Variants in BAIAP3 observed in about 807,000 individuals in gnomAD.
BAIAP3 encodes BAI1 associated protein 3, also known as BAI1-associated protein 3.
Under a neutral mutation model 149.7 loss-of-function variants are expected in BAIAP3, and 180 were observed. That is an observed-to-expected ratio of 1.20 (90% CI 1.07 to 1.36). The LOEUF (loss-of-function observed/expected upper bound fraction) is 1.36. BAIAP3 is among the 40% of genes most tolerant of loss of function. BAIAP3 has a pLI of 0.00. For synonymous variants in BAIAP3, 845 were observed against 670.7 expected, an observed-to-expected ratio of 1.26 and a Z score of -4.02; for missense variants, 1,767 against 1,563.4, an observed-to-expected ratio of 1.13 and a Z score of -2.20.
In BAIAP3 at chr16:1,338,906, C is replaced by G. The variant is rs753934248; in HGVS notation, c.136C>G (p.Pro46Ala). 120 of 1,612,928 alleles carry G rather than the reference C, an allele frequency of 7.4e-5. No homozygotes were observed. The highest frequency in any genetic ancestry group is 1.0e-4 in the Non-Finnish European group (120 of 1,179,952). The part of the protein sequence containing the change: ...PQEPATGAWK[P>A]GDGVEFFAHM... ...CTGACCCGGCTCTTTCTCCAGGAAA[C>G]CCGGGGATGGCGTGGAGTTCTTTGC... Residue 46 changes from proline (P) to alanine (A), a missense_variant, in exon 3 of 34, where the codon CCC (proline) becomes GCC (alanine). Transcript: ENST00000426824.
At position 1,342,624 on chromosome 16, in the gene BAIAP3, T is replaced by A; in HGVS notation, c.1055T>A (p.Ile352Asn). The A allele has an allele frequency of 6.3e-7, 1 of 1,582,478 alleles. No individual in the cohort carries two copies. The highest frequency in any genetic ancestry group is 8.6e-7 in the Non-Finnish European group (1 of 1,164,974). Residue 352 changes from isoleucine to asparagine, a missense_variant, in exon 12 of 34, where the codon ATC (isoleucine) becomes AAC (asparagine). By Grantham distance (149) the Ile-to-Asn change is moderately radical. Coordinates refer to ENST00000426824, the MANE Select transcript of BAIAP3 (RefSeq NM_001199097.2). ...QGHCHLVLKL[I>N]TTQRDTAMSQ... ...CACTGCCACCTGGTTCTCAAGCTGA[T>A]CACTACGCAGGTGGGGAAAGTGGGC...
In BAIAP3 at chr16:1,346,877, C is replaced by T. The variant is rs373453057; in HGVS notation, c.2673C>T (p.Leu891=). 1.2e-5 allele frequency: 20 copies of T among 1,608,622 alleles called. No homozygotes were observed. Among genetic ancestry groups the T allele is most frequent in the African/African-American group, 6.7e-5 (5 of 74,866 alleles). The stretch of plus-strand genomic sequence containing the variant: ...TGGAGGCCCTGTGGGAGCTACTCCT[C>T]CAGGCCATTCTGCAGGCGCTGGGTG... ...RVLEALWELL[L]QAILQALGAN... is the part of the protein sequence containing the mutation. The change falls in exon 28 of 34, where the codon CTC becomes CTT. Residue 891 remains leucine (L), a synonymous_variant. Transcript: ENST00000426824.
chr16:1,346,455 T>C lies in BAIAP3; in HGVS notation c.2507T>C (p.Ile836Thr). Residue 836 changes from isoleucine (I) to threonine (T), a missense_variant, in exon 26 of 34, where the codon ATC (isoleucine) becomes ACC (threonine). Transcript: ENST00000426824. ...TCCTGCCCTCAGATGGTGGGCGACA[T>C]CCGCAAGTATGTACAGCACATCAGT... Reference protein sequence around the residue: ...AHLTSKMVGDIRKYVQHISLS... With the variant: ...AHLTSKMVGDTRKYVQHISLS... 3 of 1,612,430 alleles carry C rather than the reference T, an allele frequency of 1.9e-6. No individual in the cohort carries two copies. The highest frequency in any genetic ancestry group is 2.5e-6 in the Non-Finnish European group (3 of 1,179,722).
chr16:1,340,613 T>C (rs1037170467), intron 5 of BAIAP3, among the ~76,000 whole-genome samples: 22 of 150,184 alleles, frequency 1.5e-4, no homozygotes, highest in African/African-American at 4.4e-4. Context: ...TACATGCACA[T>C]AGGCTGACAG....
At chr16:1,347,392 G>A (rs1187677220) in intron 29 of BAIAP3, 23 bp downstream of exon 29, 10 of 1,611,726 alleles carry the variant, frequency 6.2e-6, no homozygotes. Flanking sequence ...CCTCTGTGGG[G>A]CGGGGGTGTG....
chr16:1,340,532 GCACA>G (rs1211423958), intron 5 of BAIAP3, among the ~76,000 whole-genome samples: 1 of 108,940 alleles, frequency 9.2e-6, no homozygotes, highest in Non-Finnish European at 1.9e-5. Context: ...ACACAGACAC[GCACA>G]CACACACACA....
chr16:1,336,300 G>A (rs1036586247), intron 1 of BAIAP3: 2 of 985,298 alleles, frequency 2.0e-6, no homozygotes, highest in African/African-American at 3.5e-5. Context: ...GACTGGCTGT[G>A]GGGGTGACAG....
Position 1,349,408 on chromosome 16 carries a change from A to G in BAIAP3, c.*926A>G. On this transcript the variant is annotated 3_prime_UTR_variant, in exon 34 of 34. Coordinates refer to ENST00000426824, the MANE Select transcript of BAIAP3 (RefSeq NM_001199097.2). Reference sequence around the variant, plus strand: ...ATGTCTCTAGATTTTCTCGTCACCCAGCCTCAAAAATATATGTGTCTGCAA... The same window carrying G: ...ATGTCTCTAGATTTTCTCGTCACCCGGCCTCAAAAATATATGTGTCTGCAA... 6.2e-7 allele frequency: 1 copy of G among 1,613,170 alleles called. No homozygotes were observed. The highest frequency in any genetic ancestry group is 8.5e-7 in the Non-Finnish European group (1 of 1,179,584).
At chr16:1,345,156 C>T in intron 21 of BAIAP3, 57 bp downstream of exon 21, 6 of 1,610,936 alleles carry the variant, frequency 3.7e-6, no homozygotes, top group Non-Finnish European at 5.1e-6. Flanking sequence ...GCCCCAGGAC[C>T]TGTGAGGGGG....
In BAIAP3 at chr16:1,349,211, C is replaced by G; in HGVS notation, c.*729C>G. ...AGTTCGCCCCAACCCTTCCCCAGGC[C>G]CAGTGTGAAAAACAGACTCACAAGG... On this transcript the variant is annotated 3_prime_UTR_variant, in exon 34 of 34. Transcript: ENST00000426824. The G allele has an allele frequency of 1.7e-6, 1 of 592,950 alleles. No homozygotes were observed. The highest frequency in any genetic ancestry group is 1.9e-5 in the South Asian group (1 of 52,200). The allele number at this position is 592,950 out of a possible 1,614,324, so 36.7% of individuals were successfully genotyped here.
chr16:1,340,162 A>AGG (rs2033803465), intron 5 of BAIAP3, among the ~76,000 whole-genome samples: 2 of 132,554 alleles, frequency 1.5e-5, no homozygotes. Context: ...ACACAGACAC[A>AGG]CGCACACAGG....
Position 1,348,024 on chromosome 16 carries a change from G to A in BAIAP3, c.3149+7G>A, listed in dbSNP as rs759701595. On this transcript the variant is annotated splice_region_variant and intron_variant, in intron 32 of 33. Transcript: ENST00000426824. ...ACGACGAACTCTTCTACTTGTGAGT[G>A]TCCTAAGCCCCAGCCCCAGCCCCAG... The A allele has an allele frequency of 6.2e-6, 10 of 1,606,424 alleles. No individual in the cohort carries two copies. In the Admixed American group the frequency reaches 6.7e-5, roughly 11 times the overall value.
Position 1,342,968 on chromosome 16 carries a change from GCCTGCACGGAGC to G in BAIAP3, c.1220_1231del (p.Leu407_Ala410del). On this transcript the variant is annotated inframe_deletion, in exon 14 of 34. Coordinates refer to ENST00000426824, the MANE Select transcript of BAIAP3 (RefSeq NM_001199097.2). ...AGCACACCAGCCGCCACCATCCTCT[GCCTGCACGGAGC>G]CCAGAGCAACCTGTCACCCTTGCAG... is the stretch of plus-strand genomic sequence containing the variant. 3.7e-6 allele frequency: 6 copies of G among 1,611,316 alleles called. No individual in the cohort carries two copies. Among genetic ancestry groups the G allele is most frequent in the Non-Finnish European group, 5.1e-6 (6 of 1,179,836 alleles).
intron 1 of BAIAP3, 26 bp from the exon 2 acceptor site, chr16:1,338,514 G>A (rs369256218): frequency 1.6e-5 from 25 of 1,587,486 alleles, no homozygotes; most frequent in Admixed American, 8.5e-5. Context: ...ACGACCTGAG[G>A]CTGCGGGCTG....
chr16:1,342,576 C>G lies in BAIAP3; in HGVS notation c.1007C>G (p.Ser336Cys), dbSNP rs777458613. 1 of 1,561,368 alleles carries G rather than the reference C, an allele frequency of 6.4e-7. No individual in the cohort carries two copies. Among genetic ancestry groups the G allele is most frequent in the Non-Finnish European group, 8.7e-7 (1 of 1,153,700 alleles). Residue 336 changes from serine (S) to cysteine (C), a missense_variant, in exon 12 of 34, where the codon TCC (serine) becomes TGC (cysteine). Physicochemically the swap from Ser to Cys is moderately radical, Grantham distance 112. Coordinates refer to ENST00000426824, the MANE Select transcript of BAIAP3 (RefSeq NM_001199097.2). ...VDRWFKLEPR[S>C]SASRVQGHCH... ...CGCTGGTTCAAGCTGGAGCCACGCT[C>G]CAGTGCCTCGCGTGTGCAGGGACAC... is the stretch of plus-strand genomic sequence containing the variant.
chr16:1,340,343 GACAC>G (rs1156741527), intron 5 of BAIAP3, among the ~76,000 whole-genome samples: 1 of 108,490 alleles, frequency 9.2e-6, no homozygotes, highest in Non-Finnish European at 1.9e-5. Flanking sequence ...GGTGCACACA[GACAC>G]ACGCACACAG....
chr16:1,343,302 G>A (rs1391267731), intron 14 of BAIAP3, 91 bp from the exon 15 acceptor site: 41 of 1,502,358 alleles, frequency 2.7e-5, no homozygotes, highest in Non-Finnish European at 3.6e-5. Flanking sequence ...TGATTGGGTG[G>A]GGCAGAGAAA....
chr16:1,339,203 G>A lies in BAIAP3; in HGVS notation c.259G>A (p.Val87Met), dbSNP rs1429728978. The change falls in exon 4 of 34, where the codon GTG (valine) becomes ATG (methionine). Residue 87 changes from valine (V) to methionine (M), a missense_variant. Transcript: ENST00000426824. ...TGGCTCGCCAGCACCCCCGGAGCCT[G>A]TGGATCCCAGCCTCGGCCTGAGAGC... ...RSGSPAPPEP[V>M]DPSLGLRALA... The A allele has an allele frequency of 6.4e-7, 1 of 1,565,480 alleles. No individual in the cohort carries two copies. Among genetic ancestry groups the A allele is most frequent in the African/African-American group, 1.3e-5 (1 of 74,106 alleles).
chr16:1,339,544 G>A lies in BAIAP3; in HGVS notation c.349G>A (p.Gly117Ser). Reference sequence around the variant, plus strand: ...CCTGTACACGGTGCTTTACCGCGCGGGTACCATGGGCCCTGACCAGGTGGA... The same window carrying A: ...CCTGTACACGGTGCTTTACCGCGCGAGTACCATGGGCCCTGACCAGGTGGA... ...EALYTVLYRA[G>S]TMGPDQVDDE... Residue 117 changes from glycine to serine, a missense_variant, in exon 5 of 34, where the codon GGT (glycine) becomes AGT (serine). Transcript: ENST00000426824. 2 of 1,612,594 alleles carry A rather than the reference G, an allele frequency of 1.2e-6. No homozygotes were observed. Among genetic ancestry groups the A allele is most frequent in the East Asian group, 2.2e-5 (1 of 44,882 alleles).
Sources: allele counts gnomAD v4.1 joint callset (sites outside exome capture counted in the v4.1 genomes callset), GRCh38; gene constraint gnomAD v4.1.1; transcripts MANE v1.5; gene names NCBI Gene and HGNC (gene_info 2026-07-23, HGNC 2026-07-21).